The following LIMA1 variants were observed in gnomAD, a reference collection of about 807,000 sequenced individuals.
The protein encoded by LIMA1 is LIM domain and actin-binding protein 1.
LIMA1 carries 52 observed loss-of-function variants against 62.6 expected under a neutral mutation model. The observed-to-expected ratio is 0.83, with a 90% CI of 0.67 to 1.05. LIMA1 has a LOEUF of 1.05. LIMA1 is among the 50% of genes least tolerant of loss of function. The probability of loss-of-function intolerance (pLI) is 0.00; values close to 1 mark genes in which losing one functional copy is unlikely to be tolerated. For synonymous variants in LIMA1, 302 were observed against 317.8 expected (o/e 0.95, Z 0.53); for missense variants, 780 against 902.2 (o/e 0.86, Z 1.74).
chr12:50,210,816 T>C (rs1941243160), intron 4 of LIMA1, among the ~76,000 whole-genome samples: 1 of 152,302 alleles, frequency 6.6e-6, no homozygotes, highest in Non-Finnish European at 1.5e-5. Flanking sequence ...TGCATTAATT[T>C]ATTTCAAGTA....
At chr12:50,255,569 AAAAGAAAAAAAAAAGT>A (rs1238604020) in intron 1 of LIMA1, among the ~76,000 whole-genome samples, 1 of 150,576 alleles carries the variant, frequency 6.6e-6, no homozygotes, top group Non-Finnish European at 1.5e-5. Flanking sequence ...AAAAGAAAAG[AAAAGAAAAAAAAAAGT>A]AAAGAAAAGA....
At chr12:50,248,854 G>A (rs899299782) in intron 1 of LIMA1, 80 bp from the exon 2 acceptor site, 7 of 749,266 alleles carry the variant, frequency 9.3e-6, no homozygotes, top group Admixed American at 2.1e-5. Flanking sequence ...GTGTGGTAGA[G>A]CCCTAAACTT....
At chr12:50,209,038 C>T (rs1337149088) in intron 4 of LIMA1, among the ~76,000 whole-genome samples, 1 of 150,018 alleles carries the variant, frequency 6.7e-6, no homozygotes, top group African/African-American at 2.5e-5. Context: ...ACCACGTTGC[C>T]CAGGCTGGTC....
At chr12:50,201,169 TACA>T (rs1035189320) in intron 6 of LIMA1, 122 of 1,116,782 alleles carry the variant, frequency 1.1e-4, no homozygotes, top group Middle Eastern at 8.1e-4. Context: ...ACCCCAAGCA[TACA>T]ACATTCTTGT....
At chr12:50,184,359 C>G (rs1940579338) in intron 9 of LIMA1, among the ~76,000 whole-genome samples, 1 of 152,222 alleles carries the variant, frequency 6.6e-6, no homozygotes, top group Admixed American at 6.5e-5. Context: ...AGGAGATACA[C>G]TGGCCAGGTG....
intron 2 of LIMA1, 131 bp downstream of exon 2, chr12:50,248,502 T>G: frequency 1.5e-6 from 1 of 682,492 alleles, no homozygotes; most frequent in Non-Finnish European, 2.7e-6. Context: ...CAGTACCTCA[T>G]ATAGTGTTTA....
intron 4 of LIMA1, 143 bp downstream of exon 4, chr12:50,221,878 T>G: frequency 3.0e-6 from 2 of 667,086 alleles, no homozygotes; most frequent in East Asian, 5.3e-5. Flanking sequence ...AATAATGCAT[T>G]TGAGACTATT....
intron 1 of LIMA1, among the ~76,000 whole-genome samples, chr12:50,249,404 G>A (rs1310275073): frequency 1.3e-5 from 2 of 152,060 alleles, no homozygotes; most frequent in African/African-American, 4.8e-5. Context: ...TAGATTTAAG[G>A]AGATAATATA....
At chr12:50,277,315 T>A (rs1942287774) in intron 1 of LIMA1, among the ~76,000 whole-genome samples, 1 of 152,136 alleles carries the variant, frequency 6.6e-6, no homozygotes, top group African/African-American at 2.4e-5. Flanking sequence ...ACAAACAAAT[T>A]AAGCTGTCCC....
intron 1 of LIMA1, among the ~76,000 whole-genome samples, chr12:50,280,256 G>A (rs1029100595): frequency 2.1e-5 from 3 of 140,040 alleles, no homozygotes; most frequent in African/African-American, 2.7e-5. Context: ...CCGGGTTCAC[G>A]CCATTCTCCC....
intron 4 of LIMA1, among the ~76,000 whole-genome samples, chr12:50,211,793 AACAC>A (rs6144709): frequency 1.3e-5 from 2 of 150,678 alleles, no homozygotes; most frequent in African/African-American, 4.9e-5. Flanking sequence ...AGGAACACAA[AACAC>A]ACACACACAC....
rs1279340314 is a variant in LIMA1 at position 50,188,977 on chromosome 12, G to A, written c.1140+3475C>T. The A allele has an allele frequency of 2.6e-5, 4 of 152,192 alleles. No individual in the cohort carries two copies. The East Asian group carries it at 7.7e-4, about 29-fold the overall frequency. 9.4% of individuals were successfully genotyped at this position (152,192 alleles called of 1,614,324 possible). A position where few individuals can be genotyped will look rare whatever the true frequency, so the allele number is the denominator to read the frequency against. On this transcript the variant is annotated intron_variant, in intron 9 of 10. Transcript: ENST00000341247. ...ATCTAGGCAGCATTGCTGTCAGAGA[G>A]GAAAGTAACCCTGTGGGGTTTGCTA...
intron 4 of LIMA1, among the ~76,000 whole-genome samples, chr12:50,212,206 T>C (rs889752317): frequency 5.9e-5 from 9 of 152,218 alleles, no homozygotes; most frequent in Non-Finnish European, 1.3e-4. Flanking sequence ...TCTACACCTA[T>C]CTTCAGAAAA....
chr12:50,244,058 G>A (rs1002011863), intron 2 of LIMA1, among the ~76,000 whole-genome samples: 40 of 149,918 alleles, frequency 2.7e-4, no homozygotes, highest in African/African-American at 7.6e-4. Flanking sequence ...GGGATTACAG[G>A]CACGCACCAC....
At chr12:50,208,919 GTAA>G (rs563600321) in intron 4 of LIMA1, among the ~76,000 whole-genome samples, 1 of 151,238 alleles carries the variant, frequency 6.6e-6, no homozygotes, top group African/African-American at 2.4e-5. Flanking sequence ...TGCTCAAAAA[GTAA>G]TAATAATAAT....
chr12:50,216,309 G>T (rs1049913604), intron 4 of LIMA1, among the ~76,000 whole-genome samples: 11 of 151,958 alleles, frequency 7.2e-5, no homozygotes, highest in Admixed American at 7.2e-4. Flanking sequence ...CTGCCTTCTG[G>T]GTTCAAGTGA....
chr12:50,247,795 A>G (rs1941872668), intron 2 of LIMA1, among the ~76,000 whole-genome samples: 1 of 151,756 alleles, frequency 6.6e-6, no homozygotes, highest in Admixed American at 6.6e-5. Context: ...TGCTCGACTA[A>G]TATTTGTATT....
At chr12:50,253,952 C>T (rs1176232991) in intron 1 of LIMA1, among the ~76,000 whole-genome samples, 3 of 143,824 alleles carry the variant, frequency 2.1e-5, no homozygotes, top group African/African-American at 5.2e-5. Flanking sequence ...TGCTTGAACC[C>T]GGGAAGCAGA....
chr12:50,235,661 G>C (rs1371425780), intron 2 of LIMA1, among the ~76,000 whole-genome samples: 1 of 152,082 alleles, frequency 6.6e-6, no homozygotes, highest in Non-Finnish European at 1.5e-5. Context: ...ACTCTCTAAT[G>C]GGGTAGGGTA....
Sources: allele counts gnomAD v4.1 joint callset (sites outside exome capture counted in the v4.1 genomes callset), GRCh38; gene constraint gnomAD v4.1.1; transcripts MANE v1.5; gene names NCBI Gene and HGNC (gene_info 2026-07-23, HGNC 2026-07-21).